PDK1: variants seen among roughly 807,000 people sequenced by gnomAD.
PDK1 encodes pyruvate dehydrogenase kinase 1.
Under a neutral mutation model 54.2 loss-of-function variants are expected in PDK1, and 39 were observed. That is an observed-to-expected ratio of 0.72 (90% CI 0.56 to 0.94). The LOEUF is 0.94. PDK1 is among the 40% of genes least tolerant of loss of function. The pLI is 0.00. For missense variants in PDK1, 552 were observed against 566.0 expected (o/e 0.98, Z 0.25); for synonymous variants, 221 against 207.1 (o/e 1.07, Z -0.58).
intron 7 of PDK1, among the ~76,000 whole-genome samples, chr2:172,569,505 T>A (rs1341070268): frequency 6.6e-6 from 1 of 152,096 alleles, no homozygotes; most frequent in Non-Finnish European, 1.5e-5. Flanking sequence ...TTGCCCTCTA[T>A]CAGAAGCTTG....
chr2:172,617,424 T>C, the PDK1 span, among the ~76,000 whole-genome samples: 3 of 152,174 alleles, frequency 2.0e-5, no homozygotes, highest in East Asian at 5.8e-4. Context: ...CTGAGTAATC[T>C]ATAGAGAATG....
the PDK1 span, among the ~76,000 whole-genome samples, chr2:172,700,170 C>T: frequency 1.3e-5 from 2 of 152,178 alleles, no homozygotes; most frequent in Non-Finnish European, 2.9e-5. Flanking sequence ...CACACAGACA[C>T]AGTAACAATC....
chr2:172,560,610 T>C (rs1451650949), intron 2 of PDK1, among the ~76,000 whole-genome samples: 1 of 152,244 alleles, frequency 6.6e-6, no homozygotes, highest in East Asian at 1.9e-4. Context: ...AATGATGAAA[T>C]ATATGAAAGG....
the PDK1 span, among the ~76,000 whole-genome samples, chr2:172,660,948 C>A: frequency 6.6e-6 from 1 of 151,990 alleles, no homozygotes; most frequent in Admixed American, 6.5e-5. Flanking sequence ...TTCATGAGCT[C>A]TGTAGATGGT....
chr2:172,711,833 T>A, the PDK1 span, among the ~76,000 whole-genome samples: 1 of 115,938 alleles, frequency 8.6e-6, no homozygotes, highest in Non-Finnish European at 1.6e-5. Flanking sequence ...ACCATTGCAC[T>A]CCAGCCAGGG....
the PDK1 span, among the ~76,000 whole-genome samples, chr2:172,688,766 A>G: frequency 7.1e-6 from 1 of 140,840 alleles, no homozygotes; most frequent in Non-Finnish European, 1.5e-5. Flanking sequence ...GGCTGAGTGC[A>G]ACCCAGAGTA....
At chr2:172,630,605 T>C in the PDK1 span, among the ~76,000 whole-genome samples, 1 of 150,146 alleles carries the variant, frequency 6.7e-6, no homozygotes, top group African/African-American at 2.5e-5. Context: ...TATGGTCATA[T>C]CCACCTATTT....
chr2:172,677,242 C>T, the PDK1 span: 4 of 152,172 alleles, frequency 2.6e-5, no homozygotes, highest in Non-Finnish European at 4.4e-5. Context: ...TAAATGGTGT[C>T]GTTTTTGCAG....
chr2:172,654,356 C>T, the PDK1 span, among the ~76,000 whole-genome samples: 1 of 152,180 alleles, frequency 6.6e-6, no homozygotes, highest in Admixed American at 6.5e-5. Flanking sequence ...ATAGCAAAGA[C>T]TTGGAACCAA....
the PDK1 span, among the ~76,000 whole-genome samples, chr2:172,619,441 C>T: frequency 2.2e-4 from 34 of 151,816 alleles, no homozygotes; most frequent in South Asian, 6.7e-3. Flanking sequence ...GCCCGTAACT[C>T]ATTTTCCCCC....
Position 172,556,350 on chromosome 2 carries a change from A to G in PDK1, c.196+4A>G, listed in dbSNP as rs2149170126. 1 of 1,437,324 alleles carries G rather than the reference A, an allele frequency of 7.0e-7. No individual in the cohort carries two copies. The highest frequency in any genetic ancestry group is 9.1e-7 in the Non-Finnish European group (1 of 1,096,126). The allele number at this position is 1,437,324 out of a possible 1,614,324, so 89.0% of individuals were successfully genotyped here. ...ATGAAGCAGTTCCTGGACTTCGGTG[A>G]GTGCGGCCCGGGACCTTGGGCCTTT... On this transcript the variant is annotated splice_donor_region_variant and intron_variant, in intron 1 of 10. Coordinates refer to ENST00000282077, the MANE Select transcript of PDK1 (RefSeq NM_002610.5).
rs1691157394 is a variant in PDK1, at chr2:172,602,793, T to TA, written c.*6824_*6825insA. The stretch of plus-strand genomic sequence containing the variant: ...TAAACCATTGCCTTTCCTGCTTTGG[T>TA]GTGGCAAATCTTCCTTTGGAGAAAA... On this transcript the variant is annotated 3_prime_UTR_variant, in exon 11 of 11. Transcript: ENST00000282077. 1 of 152,126 alleles carries TA rather than the reference T, an allele frequency of 6.6e-6. No individual in the cohort carries two copies. Among genetic ancestry groups the TA allele is most frequent in the Non-Finnish European group, 1.5e-5 (1 of 68,022 alleles). 9.4% of individuals were successfully genotyped at this position (152,126 alleles called of 1,614,324 possible).
the PDK1 span, among the ~76,000 whole-genome samples, chr2:172,704,479 G>C: frequency 6.6e-6 from 1 of 152,166 alleles, no homozygotes; most frequent in Non-Finnish European, 1.5e-5. Context: ...GGAATGCCAA[G>C]GTTTACAATC....
chr2:172,568,200 C>T (rs1457795526), intron 6 of PDK1, among the ~76,000 whole-genome samples: 3 of 151,530 alleles, frequency 2.0e-5, no homozygotes, highest in Non-Finnish European at 2.9e-5. Context: ...TGGTGGTTGG[C>T]GCCTGTAATC....
intron 2 of PDK1, among the ~76,000 whole-genome samples, chr2:172,561,876 A>G (rs1425722208): frequency 6.6e-6 from 1 of 152,212 alleles, no homozygotes; most frequent in Non-Finnish European, 1.5e-5. Flanking sequence ...CCAAGATCAC[A>G]TAGTTACTGG....
Position 172,556,282 on chromosome 2 carries a change from C to A in PDK1, c.132C>A (p.Gly44=). 6.6e-7 allele frequency: 1 copy of A among 1,507,194 alleles called. No individual in the cohort carries two copies. 93.4% of individuals were successfully genotyped at this position (1,507,194 alleles called of 1,614,324 possible). Residue 44 remains glycine (G), a synonymous_variant, in exon 1 of 11, where the codon GGC becomes GGA. Coordinates refer to ENST00000282077, the MANE Select transcript of PDK1 (RefSeq NM_002610.5). ...SSPASERGVP[G]QVDFYARFSP... The stretch of plus-strand genomic sequence containing the variant: ...CGGCGTCCGAGCGCGGCGTTCCGGG[C>A]CAGGTGGACTTCTACGCGCGCTTCT...
the PDK1 span, among the ~76,000 whole-genome samples, chr2:172,642,918 T>C: frequency 6.6e-6 from 1 of 152,128 alleles, no homozygotes; most frequent in African/African-American, 2.4e-5. Context: ...CTCTTTCTCC[T>C]ACTCCTCCTT....
chr2:172,638,459 A>G, the PDK1 span, among the ~76,000 whole-genome samples: 8 of 152,364 alleles, frequency 5.3e-5, no homozygotes, highest in African/African-American at 1.7e-4. Flanking sequence ...TGAAATATTA[A>G]CGTGTAGAAA....
intron 9 of PDK1, among the ~76,000 whole-genome samples, chr2:172,587,376 C>G (rs976385405): frequency 3.3e-5 from 5 of 151,820 alleles, no homozygotes; most frequent in African/African-American, 1.2e-4. Flanking sequence ...TTGTTTGTTC[C>G]TCTCAGTGGG....
Sources: gnomAD v4.1 joint callset for allele counts (sites outside exome capture counted in the v4.1 genomes callset) on GRCh38, gnomAD v4.1.1 for gene constraint, MANE v1.5 for transcripts, NCBI Gene and HGNC (gene_info 2026-07-23, HGNC 2026-07-21) for gene names.